The following MAGI1 variants were observed in gnomAD, a reference collection of about 807,000 sequenced individuals.
The protein encoded by MAGI1 is membrane associated guanylate kinase, WW and PDZ domain containing 1, also known as membrane-associated guanylate kinase, WW and PDZ domain-containing protein 1.
Under a neutral mutation model 139.9 loss-of-function variants are expected in MAGI1, and 58 were observed. The observed-to-expected ratio is 0.41, with a 90% CI of 0.34 to 0.52. The LOEUF (loss-of-function observed/expected upper bound fraction) is 0.52, where lower values mean the gene tolerates loss of function less well. Ranked by LOEUF, MAGI1 falls within the 20% of genes least tolerant of loss-of-function variation. The pLI, the probability that MAGI1 is intolerant of heterozygous loss-of-function variation, is 0.12. For missense variants in MAGI1, 1,874 were observed against 1,901.6 expected, an observed-to-expected ratio of 0.99 and a Z score of 0.27; for synonymous variants, 812 against 737.9, an observed-to-expected ratio of 1.10 and a Z score of -1.63.
At position 65,472,009 on chromosome 3, in the gene MAGI1, T is replaced by C. The variant is rs530534390; in HGVS notation, c.758-1525A>G. On this transcript the variant is annotated intron_variant, in intron 4 of 22. Transcript: ENST00000402939. ...ACTGAGCCTCTGATCTCTGATTTCA[T>C]ACTTGAAATCAAGGATGTCCCTCAT... Among the ~76,000 whole-genome samples, 40 of 152,286 alleles carry C rather than the reference T, an allele frequency of 2.6e-4. 1 individual carries two copies. Among genetic ancestry groups the C allele is most frequent in the African/African-American group, 9.4e-4 (39 of 41,562 alleles).
chr3:65,948,889 CA>C (rs1457250338), intron 1 of MAGI1, among the ~76,000 whole-genome samples: 1 of 152,166 alleles, frequency 6.6e-6, no homozygotes, highest in East Asian at 1.9e-4. Flanking sequence ...TTATGCAGTT[CA>C]ATTTTATGTC....
intron 1 of MAGI1, among the ~76,000 whole-genome samples, chr3:65,938,171 T>C (rs886616797): frequency 1.3e-5 from 2 of 151,764 alleles, no homozygotes; most frequent in South Asian, 4.1e-4. Context: ...CCATGAGAAA[T>C]AAAGAATTAG....
intron 1 of MAGI1, among the ~76,000 whole-genome samples, chr3:65,808,918 T>C (rs2041044596): frequency 6.6e-6 from 1 of 152,216 alleles, no homozygotes; most frequent in African/African-American, 2.4e-5. Context: ...GGTACAGCAA[T>C]GATGTGTCTC....
chr3:65,364,964 G>A lies in MAGI1; in HGVS notation c.3197-18C>T, dbSNP rs1941268157. Reference sequence around the variant, plus strand: ...CGAGGACTCTGCAAAGAGGGACAGAGCATAAAGAAATGAAGACCCCAGAGA... The same window carrying A: ...CGAGGACTCTGCAAAGAGGGACAGAACATAAAGAAATGAAGACCCCAGAGA... On this transcript the variant is annotated intron_variant, in intron 18 of 22. Coordinates refer to ENST00000402939, the MANE Select transcript of MAGI1 (RefSeq NM_001033057.2). 4 of 1,607,554 alleles carry A rather than the reference G, an allele frequency of 2.5e-6. No individual in the cohort carries two copies. The highest frequency in any genetic ancestry group is 1.1e-5 in the South Asian group (1 of 90,942).
chr3:65,489,897 G>A (rs1478491934), intron 3 of MAGI1, among the ~76,000 whole-genome samples: 1 of 152,144 alleles, frequency 6.6e-6, no homozygotes, highest in Non-Finnish European at 1.5e-5. Context: ...ACTTATTACT[G>A]TTACTTAAAC....
intron 1 of MAGI1, among the ~76,000 whole-genome samples, chr3:65,729,408 T>A (rs182154895): frequency 2.0e-5 from 3 of 152,350 alleles, no homozygotes; most frequent in African/African-American, 7.2e-5. Context: ...ATGAAATCAC[T>A]ATGTATGAGC....
At chr3:65,797,208 C>G (rs1439570431) in intron 1 of MAGI1, among the ~76,000 whole-genome samples, 4 of 152,156 alleles carry the variant, frequency 2.6e-5, no homozygotes, top group African/African-American at 4.8e-5. Context: ...AAGCCATTAT[C>G]CAGCTGCAAT....
chr3:65,392,451 A>G (rs2107005473), intron 13 of MAGI1, among the ~76,000 whole-genome samples: 1 of 152,314 alleles, frequency 6.6e-6, no homozygotes, highest in East Asian at 1.9e-4. Flanking sequence ...GGTAGAGGAC[A>G]GGAAAGGGCT....
At chr3:66,004,718 G>A (rs940372619) in intron 1 of MAGI1, among the ~76,000 whole-genome samples, 1 of 152,188 alleles carries the variant, frequency 6.6e-6, no homozygotes, top group Middle Eastern at 3.2e-3. Context: ...TGCCATTGCA[G>A]ACAAACCACT....
chr3:65,578,666 T>A (rs2081281094), intron 2 of MAGI1, among the ~76,000 whole-genome samples: 1 of 152,172 alleles, frequency 6.6e-6, no homozygotes, highest in Admixed American at 6.5e-5. Flanking sequence ...ACGCCTGTAA[T>A]CCTAACACTT....
chr3:65,619,667 C>T (rs973061611), intron 2 of MAGI1, among the ~76,000 whole-genome samples: 14 of 152,114 alleles, frequency 9.2e-5, no homozygotes, highest in Admixed American at 6.6e-5. Flanking sequence ...TTGGCTTTCT[C>T]AGTCACATGG....
chr3:65,453,784 T>A (rs1472350365), intron 5 of MAGI1, among the ~76,000 whole-genome samples: 1 of 152,148 alleles, frequency 6.6e-6, no homozygotes, highest in African/African-American at 2.4e-5. Context: ...ACATAAGAAT[T>A]CTCATGACAG....
At chr3:65,674,361 T>C (rs1002433155) in intron 1 of MAGI1, among the ~76,000 whole-genome samples, 1 of 152,146 alleles carries the variant, frequency 6.6e-6, no homozygotes, top group African/African-American at 2.4e-5. Context: ...AGCCCTCAAA[T>C]GTATTTTCAA....
At chr3:65,410,907 C>T (rs1945745492) in intron 12 of MAGI1, among the ~76,000 whole-genome samples, 1 of 152,158 alleles carries the variant, frequency 6.6e-6, no homozygotes. Context: ...CTTTTTCTAG[C>T]TTGCAAATGT....
At chr3:65,638,627 T>TTTTC (rs1198203750) in intron 1 of MAGI1, among the ~76,000 whole-genome samples, 1 of 115,498 alleles carries the variant, frequency 8.7e-6, no homozygotes, top group African/African-American at 3.7e-5. Context: ...TTTTTTTTTT[T>TTTTC]CAGACAGAGT....
At chr3:65,731,375 A>G (rs2034170565) in intron 1 of MAGI1, among the ~76,000 whole-genome samples, 2 of 152,168 alleles carry the variant, frequency 1.3e-5, no homozygotes, top group South Asian at 2.1e-4. Flanking sequence ...ATCTATGACC[A>G]GGCATGATGG....
At chr3:65,476,121 C>A (rs1950874473) in intron 4 of MAGI1, among the ~76,000 whole-genome samples, 1 of 151,932 alleles carries the variant, frequency 6.6e-6, no homozygotes, top group Non-Finnish European at 1.5e-5. Context: ...TGCTTTGATA[C>A]CACTAGTTTC....
intron 4 of MAGI1, among the ~76,000 whole-genome samples, chr3:65,472,376 G>A (rs866880518): frequency 6.6e-6 from 1 of 152,108 alleles, no homozygotes; most frequent in Middle Eastern, 3.2e-3. Flanking sequence ...CCAGGAAACA[G>A]GTTTGGGGTA....
At chr3:65,591,342 C>T (rs988189025) in intron 2 of MAGI1, among the ~76,000 whole-genome samples, 1 of 152,042 alleles carries the variant, frequency 6.6e-6, no homozygotes, top group Non-Finnish European at 1.5e-5. Context: ...ATTCTCAATT[C>T]CTCTCTTTTT....
Sources: allele counts gnomAD v4.1 joint callset (sites outside exome capture counted in the v4.1 genomes callset), GRCh38; gene constraint gnomAD v4.1.1; transcripts MANE v1.5; gene names NCBI Gene and HGNC (gene_info 2026-07-23, HGNC 2026-07-21).